CDK6: variants seen among roughly 807,000 people sequenced by gnomAD.
CDK6 encodes the protein cyclin-dependent kinase 6.
A neutral mutation model predicts 37.1 loss-of-function variants in CDK6; 6 were observed. The observed-to-expected ratio is 0.16, with a 90% CI of 0.09 to 0.32. The LOEUF is 0.32. Ranked by LOEUF, CDK6 falls within the 10% of genes least tolerant of loss-of-function variation. The pLI is 1.00. For synonymous variants in CDK6, 160 were observed against 161.3 expected (o/e 0.99, Z 0.06); for missense variants, 224 against 418.9 (o/e 0.53, Z 4.06).
rs941987571 is a variant in CDK6 at position 92,609,758 on chromosome 7, A to G, written c.*5382T>C. The G allele has an allele frequency of 5.2e-5, 12 of 230,852 alleles. No homozygotes were observed. Among genetic ancestry groups the G allele is most frequent in the Admixed American group, 5.1e-4 (9 of 17,736 alleles). The allele number at this position is 230,852 out of a possible 1,614,324, so 14.3% of individuals were successfully genotyped here. ...GTTCACAGATGAGGACTGCCTTTTT[A>G]GTAACTAAGCCTGTTTTAATCTAGA... is the stretch of plus-strand genomic sequence containing the variant. On this transcript the variant is annotated 3_prime_UTR_variant, in exon 8 of 8. Transcript: ENST00000424848.
intron 3 of CDK6, among the ~76,000 whole-genome samples, chr7:92,757,069 A>C (rs907864302): frequency 1.3e-5 from 2 of 152,230 alleles, no homozygotes; most frequent in African/African-American, 4.8e-5. Flanking sequence ...TATATAATGC[A>C]ACCCGAGCCT....
rs1271728247 is a variant in CDK6 at position 92,833,356 on chromosome 7, G to A, written c.-33C>T. On this transcript the variant is annotated 5_prime_UTR_variant, in exon 2 of 8. Transcript: ENST00000424848. The surrounding 1 kb of genome is among the most constrained non-coding windows in gnomAD (Gnocchi z 6.1). The stretch of plus-strand genomic sequence containing the variant: ...GGACGCCGCCCGCCGCGGCGCCGCT[G>A]GGGCGGGCGGGGGGTGCGCTCAACT... The A allele has an allele frequency of 2.0e-6, 3 of 1,467,224 alleles. No individual in the cohort carries two copies. Among genetic ancestry groups the A allele is most frequent in the African/African-American group, 1.4e-5 (1 of 70,460 alleles). The allele number at this position is 1,467,224 out of a possible 1,614,324, so 90.9% of individuals were successfully genotyped here.
rs182496132 is a variant in CDK6, at chr7:92,801,914, C to T, written c.234-27083G>A. ...CTGAGATTACAGGTGTGAGCTGCTG[C>T]GCCACCCCGCCTCTCTTTTCGTCTC... is the stretch of plus-strand genomic sequence containing the variant. On this transcript the variant is annotated intron_variant, in intron 2 of 7. Transcript: ENST00000424848. Among the ~76,000 whole-genome samples, 16 of 151,760 alleles carry T rather than the reference C, an allele frequency of 1.1e-4. No individual in the cohort carries two copies. The East Asian group carries it at 2.7e-3, about 26-fold the overall frequency.
chr7:92,713,667 T>TAAAAAAAAAAAAAAAAAAAAAAAAA (rs535072218), intron 4 of CDK6, among the ~76,000 whole-genome samples: 4 of 67,218 alleles, frequency 6.0e-5, no homozygotes, highest in Non-Finnish European at 9.8e-5. Flanking sequence ...TTAAAAAAAG[T>TAAAAAAAAAAAAAAAAAAAAAAAAA]AAAAAAAAAA....
intron 2 of CDK6, among the ~76,000 whole-genome samples, chr7:92,780,542 C>T (rs1157768707): frequency 2.6e-5 from 4 of 151,962 alleles, no homozygotes; most frequent in Middle Eastern, 3.4e-3. Flanking sequence ...GGGCGGCTCA[C>T]GAGGTCAGGA....
chr7:92,770,043 T>C (rs1270788034), intron 3 of CDK6, among the ~76,000 whole-genome samples: 1 of 152,000 alleles, frequency 6.6e-6, no homozygotes, highest in Non-Finnish European at 1.5e-5. Flanking sequence ...AATGAGCCAA[T>C]AAAAATTTAA....
chr7:92,629,636 T>C (rs1796009965), intron 5 of CDK6, among the ~76,000 whole-genome samples: 1 of 152,158 alleles, frequency 6.6e-6, no homozygotes, highest in South Asian at 2.1e-4. Flanking sequence ...AAAAATTGAA[T>C]GGGTATCTCC....
intron 3 of CDK6, among the ~76,000 whole-genome samples, chr7:92,765,092 T>C (rs1347481366): frequency 6.6e-6 from 1 of 152,178 alleles, no homozygotes; most frequent in Non-Finnish European, 1.5e-5. Context: ...GTTCTCGTGA[T>C]GGGAATGGGG....
chr7:92,718,218 T>C (rs1054805881), intron 4 of CDK6, among the ~76,000 whole-genome samples: 1 of 152,196 alleles, frequency 6.6e-6, no homozygotes, highest in Non-Finnish European at 1.5e-5. Context: ...CCTGGTTGTG[T>C]CATGGCAAGA....
At chr7:92,636,495 G>C (rs1585355523) in intron 5 of CDK6, among the ~76,000 whole-genome samples, 1 of 152,092 alleles carries the variant, frequency 6.6e-6, no homozygotes, top group African/African-American at 2.4e-5. Flanking sequence ...ACATTCTCTA[G>C]AGAGGTACAA....
intron 5 of CDK6, among the ~76,000 whole-genome samples, chr7:92,639,341 G>C (rs1796248180): frequency 6.6e-6 from 1 of 152,192 alleles, no homozygotes; most frequent in African/African-American, 2.4e-5. Context: ...AAACTCTTTT[G>C]ACGTAACTTG....
intron 2 of CDK6, among the ~76,000 whole-genome samples, chr7:92,779,081 C>A (rs1385464579): frequency 2.0e-5 from 3 of 152,010 alleles, no homozygotes; most frequent in Non-Finnish European, 4.4e-5. Flanking sequence ...TACCTAACAA[C>A]CCTGGCAGTA....
chr7:92,830,126 A>G (rs1416472213), intron 2 of CDK6, among the ~76,000 whole-genome samples: 1 of 152,220 alleles, frequency 6.6e-6, no homozygotes, highest in Non-Finnish European at 1.5e-5. Flanking sequence ...CTATTCTGGC[A>G]AAGGTTCCAG....
intron 2 of CDK6, among the ~76,000 whole-genome samples, chr7:92,831,675 G>A (rs932918950): frequency 8.5e-5 from 13 of 152,152 alleles, no homozygotes; most frequent in Admixed American, 2.6e-4. Context: ...TCACTAGCTA[G>A]GCCGAGGTAT....
chr7:92,635,039 A>G (rs1454650673), intron 5 of CDK6, among the ~76,000 whole-genome samples: 1 of 152,218 alleles, frequency 6.6e-6, no homozygotes, highest in Non-Finnish European at 1.5e-5. Flanking sequence ...GAGGATTAGT[A>G]AAAAGAAATA....
chr7:92,695,282 A>AGAAAG (rs1554403913), intron 4 of CDK6, among the ~76,000 whole-genome samples: 11 of 149,912 alleles, frequency 7.3e-5, no homozygotes, highest in African/African-American at 2.0e-4. Flanking sequence ...AAAAAAAAAA[A>AGAAAG]AAAGAAAGAA....
intron 3 of CDK6, among the ~76,000 whole-genome samples, chr7:92,745,399 G>T (rs1799034230): frequency 6.6e-6 from 1 of 152,158 alleles, no homozygotes; most frequent in Non-Finnish European, 1.5e-5. Flanking sequence ...TGATGACAGA[G>T]CAGTAGAACT....
Position 92,784,174 on chromosome 7 carries a change from C to G in CDK6, c.234-9343G>C, listed in dbSNP as rs974666969. 2.0e-5 allele frequency among the ~76,000 whole-genome samples: 3 copies of G among 152,074 alleles called. No individual in the cohort carries two copies. In the East Asian group the frequency reaches 5.8e-4, roughly 29 times the overall value. On this transcript the variant is annotated intron_variant, in intron 2 of 7. Coordinates refer to ENST00000424848, the MANE Select transcript of CDK6 (RefSeq NM_001145306.2). ...AAGAGAATGGTAGCAGGGGCAAAAT[C>G]CTACTTGGAATTAAGTGAACTCCAA...
At chr7:92,625,537 A>AC (rs1554396262) in intron 5 of CDK6, among the ~76,000 whole-genome samples, 96 of 150,320 alleles carry the variant, frequency 6.4e-4, no homozygotes, top group African/African-American at 6.9e-4. Flanking sequence ...TTTTGCAAAA[A>AC]AAAACAAAAC....
Sources: allele counts gnomAD v4.1 joint callset (sites outside exome capture counted in the v4.1 genomes callset), GRCh38; gene constraint gnomAD v4.1.1; non-coding constraint Gnocchi (gnomAD v3.1); transcripts MANE v1.5; gene names NCBI Gene and HGNC (gene_info 2026-07-23, HGNC 2026-07-21).